RPLP1: variants seen among roughly 807,000 people sequenced by gnomAD.
RPLP1 encodes the protein large ribosomal subunit protein P1.
Under a neutral mutation model 11.6 loss-of-function variants are expected in RPLP1, and 4 were observed. That is an observed-to-expected ratio of 0.34 (90% CI 0.17 to 0.79). The LOEUF is 0.79. RPLP1 is among the 30% of genes least tolerant of loss of function. The probability of loss-of-function intolerance (pLI) is 0.55; values close to 1 mark genes in which losing one functional copy is unlikely to be tolerated. For missense variants in RPLP1, 133 were observed against 142.8 expected, an observed-to-expected ratio of 0.93 and a Z score of 0.35; for synonymous variants, 54 against 52.2, an observed-to-expected ratio of 1.03 and a Z score of -0.15.
chr15:69,454,216 A>G (rs546050435), intron 2 of RPLP1: 8 of 155,844 alleles, frequency 5.1e-5, no homozygotes, highest in Admixed American at 2.6e-4. Flanking sequence ...TGTGTTTAGT[A>G]GTGACGGGGT....
At chr15:69,453,474 ACAG>A in intron 1 of RPLP1, 170 bp from the exon 2 acceptor site, 1 of 685,940 alleles carries the variant, frequency 1.5e-6, no homozygotes, top group Admixed American at 2.7e-5. Flanking sequence ...AGCCCGTGAA[ACAG>A]CAGTGATGGG....
At position 69,452,827 on chromosome 15, in the gene RPLP1, T is replaced by C; in HGVS notation, c.-122T>C. 2 of 908,096 alleles carry C rather than the reference T, an allele frequency of 2.2e-6. No individual in the cohort carries two copies. Among genetic ancestry groups the C allele is most frequent in the Non-Finnish European group, 3.4e-6 (2 of 581,958 alleles). The allele number at this position is 908,096 out of a possible 1,614,324, so 56.3% of individuals were successfully genotyped here. A position where few individuals can be genotyped will look rare whatever the true frequency, so the allele number is the denominator to read the frequency against. On this transcript the variant is annotated 5_prime_UTR_variant, in exon 1 of 4. Transcript: ENST00000260379. ...CGTATAGGCGCGAGAGCCCCTTTCC[T>C]CAGCTGCCGCCAAGGTGCTCGGTCC...
rs983802767 is a variant in RPLP1, at chr15:69,455,125, A to G, written c.148-45A>G. 11 of 1,515,796 alleles carry G rather than the reference A, an allele frequency of 7.3e-6. No individual in the cohort carries two copies. The African/African-American group carries it at 1.4e-4, about 19-fold the overall frequency. 93.9% of individuals were successfully genotyped at this position (1,515,796 alleles called of 1,614,324 possible). A position where few individuals can be genotyped will look rare whatever the true frequency, so the allele number is the denominator to read the frequency against. On this transcript the variant is annotated intron_variant, in intron 2 of 3. Coordinates refer to ENST00000260379, the MANE Select transcript of RPLP1 (RefSeq NM_001003.3). ...GTTTTTGGCTGCGTGAGTGCTTAAC[A>G]AGGACAGAACTGGGCGTTTACCTAT...
Position 69,452,859 on chromosome 15 carries a change from GGAA to G in RPLP1, c.-88_-86del. The G allele has an allele frequency of 8.1e-7, 1 of 1,238,708 alleles. No individual in the cohort carries two copies. Among genetic ancestry groups the G allele is most frequent in the Non-Finnish European group, 1.1e-6 (1 of 874,214 alleles). 76.7% of individuals were successfully genotyped at this position (1,238,708 alleles called of 1,614,324 possible). A position where few individuals can be genotyped will look rare whatever the true frequency, so the allele number is the denominator to read the frequency against. On this transcript the variant is annotated 5_prime_UTR_variant, in exon 1 of 4. Coordinates refer to ENST00000260379, the MANE Select transcript of RPLP1 (RefSeq NM_001003.3). ...CCGCCAAGGTGCTCGGTCCTTCCGA[GGAA>G]GCTAAGGCTGCGTTGGGGTGAGGCC...
intron 2 of RPLP1, chr15:69,453,954 A>T: frequency 1.8e-6 from 1 of 564,688 alleles, no homozygotes; most frequent in Non-Finnish European, 3.1e-6. Flanking sequence ...GTTAAAAAAA[A>T]TGTGAATCAG....
chr15:69,454,038 TTTTTC>T (rs1251724746), intron 2 of RPLP1: 20 of 329,000 alleles, frequency 6.1e-5, no homozygotes, highest in African/African-American at 3.7e-4. Context: ...ATTCTTTTTC[TTTTTC>T]TTTTTTTTTT....
chr15:69,454,906 A>G (rs1240576104), intron 2 of RPLP1: 2 of 280,750 alleles, frequency 7.1e-6, no homozygotes, highest in African/African-American at 4.4e-5. Flanking sequence ...TCCACTAATA[A>G]CAAAATCCCA....
In RPLP1 at chr15:69,455,495, T is replaced by A. The variant is rs1188399978; in HGVS notation, c.333T>A (p.Gly111=). 2 of 1,606,044 alleles carry A rather than the reference T, an allele frequency of 1.2e-6. No individual in the cohort carries two copies. The highest frequency in any genetic ancestry group is 1.7e-5 in the Admixed American group (1 of 59,490). The part of the protein sequence containing the change: ...SEESDDDMGF[G]LFD Reference sequence around the variant, plus strand: ...AGTCTGATGATGACATGGGCTTTGGTCTTTTTGACTAAACCTCTTTTATAA... The same window carrying A: ...AGTCTGATGATGACATGGGCTTTGGACTTTTTGACTAAACCTCTTTTATAA... The change falls in exon 4 of 4, where the codon GGT becomes GGA. Residue 111 remains glycine (G), a synonymous_variant. Transcript: ENST00000260379.
chr15:69,453,258 C>T lies in RPLP1; in HGVS notation c.72+238C>T, dbSNP rs912758238. ...GGAGTGCGCTTGAGGCTGGGCGCTCCGGCTCCAAGAGCCTTCGTGTAGAAA... is the reference window on the plus strand; with the variant it reads ...GGAGTGCGCTTGAGGCTGGGCGCTCTGGCTCCAAGAGCCTTCGTGTAGAAA... On this transcript the variant is annotated intron_variant, in intron 1 of 3. Transcript: ENST00000260379. The T allele has an allele frequency of 1.4e-5, 8 of 584,146 alleles. No homozygotes were observed. In the East Asian group the frequency reaches 2.3e-4, roughly 17 times the overall value. The allele number at this position is 584,146 out of a possible 1,614,324, so 36.2% of individuals were successfully genotyped here. A position where few individuals can be genotyped will look rare whatever the true frequency, so the allele number is the denominator to read the frequency against.
rs1892421372 is a variant in RPLP1, at chr15:69,455,434, A to G, written c.272A>G (p.Glu91Gly). 9.9e-6 allele frequency: 16 copies of G among 1,610,350 alleles called. No homozygotes were observed. The highest frequency in any genetic ancestry group is 1.4e-5 in the Non-Finnish European group (16 of 1,179,170). Residue 91 changes from glutamate (E) to glycine (G), a missense_variant, in exon 4 of 4, where the codon GAG becomes GGG. By Grantham distance (98) the Glu-to-Gly change is moderately conservative. Coordinates refer to ENST00000260379, the MANE Select transcript of RPLP1 (RefSeq NM_001003.3). Reference sequence around the variant, plus strand: ...ATTGACTTTTTTTTTCTAGCTGAGGAGAAGAAAGTGGAAGCAAAGAAAGAA... The same window carrying G: ...ATTGACTTTTTTTTTCTAGCTGAGGGGAAGAAAGTGGAAGCAAAGAAAGAA... ...APSTAAAPAE[E>G]KKVEAKKEES...
intron 2 of RPLP1, chr15:69,454,029 TTC>T (rs997124061): frequency 4.0e-5 from 14 of 347,114 alleles, no homozygotes; most frequent in African/African-American, 2.8e-4. Flanking sequence ...TGCAAGCAAA[TTC>T]TTTTTCTTTT....
chr15:69,452,999 CGACGATGAGGT>C lies in RPLP1; in HGVS notation c.55_65del (p.Asp19SerfsTer5). 3 of 1,575,104 alleles carry C rather than the reference CGACGATGAGGT, an allele frequency of 1.9e-6. No individual in the cohort carries two copies. Among genetic ancestry groups the C allele is most frequent in the Non-Finnish European group, 2.6e-6 (3 of 1,162,724 alleles). ...GCATCTACTCGGCCCTCATTCTGCA[CGACGATGAGGT>C]GACAGTCACGGTGAGTGCGGGCGCG... is the stretch of plus-strand genomic sequence containing the variant. On this transcript the variant is annotated frameshift_variant, in exon 1 of 4. Coordinates refer to ENST00000260379, the MANE Select transcript of RPLP1 (RefSeq NM_001003.3). LOFTEE classifies it high-confidence loss of function.
chr15:69,455,141 G>A lies in RPLP1; in HGVS notation c.148-29G>A, dbSNP rs1225361923. 1.2e-5 allele frequency: 18 copies of A among 1,534,628 alleles called. 1 individual carries two copies. The highest frequency in any genetic ancestry group is 6.8e-5 in the East Asian group (3 of 43,818). Reference sequence around the variant, plus strand: ...GTGCTTAACAAGGACAGAACTGGGCGTTTACCTATGCATGCACATGTATTG... The same window carrying A: ...GTGCTTAACAAGGACAGAACTGGGCATTTACCTATGCATGCACATGTATTG... On this transcript the variant is annotated intron_variant, in intron 2 of 3. Transcript: ENST00000260379.
At chr15:69,455,397 T>C (rs1892420398) in intron 3 of RPLP1, 31 bp from the exon 4 acceptor site, 1 of 1,587,446 alleles carries the variant, frequency 6.3e-7, no homozygotes, top group Non-Finnish European at 8.5e-7. Flanking sequence ...AGTATGGAAA[T>C]CCTAACACCT....
At chr15:69,455,311 A>G in intron 3 of RPLP1, 24 bp downstream of exon 3, 1 of 1,545,250 alleles carries the variant, frequency 6.5e-7, no homozygotes, top group Non-Finnish European at 8.7e-7. Context: ...AGTTTTTAGT[A>G]TTGGGAGGAG....
In RPLP1 at chr15:69,455,261, C is replaced by T. The variant is rs769105595; in HGVS notation, c.239C>T (p.Pro80Leu). The change falls in exon 3 of 4, where the codon CCT becomes CTT. Residue 80 changes from proline to leucine, a missense_variant. Coordinates refer to ENST00000260379, the MANE Select transcript of RPLP1 (RefSeq NM_001003.3). ...PAAGAAPAGG[P>L]APSTAAAPAE... ...GCTGGTGCTGCACCAGCAGGAGGTC[C>T]TGCCCCCTCCACTGCTGCTGCTCCA... is the stretch of plus-strand genomic sequence containing the variant. The T allele has an allele frequency of 6.3e-7, 1 of 1,578,364 alleles. No individual in the cohort carries two copies. Among genetic ancestry groups the T allele is most frequent in the Non-Finnish European group, 8.6e-7 (1 of 1,163,760 alleles).
At position 69,452,864 on chromosome 15, in the gene RPLP1, C is replaced by G. The variant is rs1208660671; in HGVS notation, c.-85C>G. ...AAGGTGCTCGGTCCTTCCGAGGAAG[C>G]TAAGGCTGCGTTGGGGTGAGGCCCT... On this transcript the variant is annotated 5_prime_UTR_variant, in exon 1 of 4. Transcript: ENST00000260379. The G allele has an allele frequency of 1.5e-6, 2 of 1,293,512 alleles. No homozygotes were observed. Among genetic ancestry groups the G allele is most frequent in the Non-Finnish European group, 2.2e-6 (2 of 923,334 alleles). 80.1% of individuals were successfully genotyped at this position (1,293,512 alleles called of 1,614,324 possible).
At chr15:69,453,941 A>G (rs1892395548) in intron 2 of RPLP1, 1 of 566,150 alleles carries the variant, frequency 1.8e-6, no homozygotes, top group East Asian at 3.0e-5. Context: ...CTCTGAAACC[A>G]TGGTTAAAAA....
chr15:69,453,881 T>A, intron 2 of RPLP1, 160 bp downstream of exon 2: 1 of 658,510 alleles, frequency 1.5e-6, no homozygotes, highest in Non-Finnish European at 2.7e-6. Context: ...TAATAAGATT[T>A]CAGCTTGTCA....
Sources: gnomAD v4.1 joint callset for allele counts on GRCh38, gnomAD v4.1.1 for gene constraint, MANE v1.5 for transcripts, NCBI Gene and HGNC (gene_info 2026-07-23, HGNC 2026-07-21) for gene names.